PARD3: variants seen among roughly 807,000 people sequenced by gnomAD.
PARD3 encodes the protein par-3 family cell polarity regulator.
PARD3 carries 75 observed loss-of-function variants against 155.4 expected under a neutral mutation model. The ratio of observed to expected loss-of-function variants is 0.48; its 90% CI spans 0.40 to 0.58. PARD3 has a LOEUF of 0.58. Among genes scored for constraint, PARD3 ranks in the 20% least tolerant of loss-of-function variants. The pLI is 0.00. For missense variants in PARD3, 1,642 were observed against 1,721.7 expected, an observed-to-expected ratio of 0.95 and a Z score of 0.82; for synonymous variants, 576 against 610.5, an observed-to-expected ratio of 0.94 and a Z score of 0.83.
intron 1 of PARD3, among the ~76,000 whole-genome samples, chr10:34,780,876 C>T (rs1328521288): frequency 6.6e-6 from 1 of 152,178 alleles, no homozygotes; most frequent in South Asian, 2.1e-4. Flanking sequence ...ACATTCACCA[C>T]GCCACACATA....
chr10:34,166,534 A>G (rs1619530), intron 22 of PARD3, among the ~76,000 whole-genome samples: 94,803 of 151,632 alleles, frequency 0.63, 30,922 homozygotes, highest in African/African-American at 0.82. Flanking sequence ...GGGGGCAGGC[A>G]GGCGGAATTG....
intron 22 of PARD3, among the ~76,000 whole-genome samples, chr10:34,185,079 C>T (rs1032794117): frequency 6.6e-6 from 1 of 152,308 alleles, no homozygotes; most frequent in African/African-American, 2.4e-5. Flanking sequence ...GCCCCATCCC[C>T]TGGAATAAAG....
At chr10:34,155,452 T>G (rs1948961455) in intron 22 of PARD3, among the ~76,000 whole-genome samples, 1 of 152,160 alleles carries the variant, frequency 6.6e-6, no homozygotes, top group African/African-American at 2.4e-5. Context: ...TGGGGCTTAG[T>G]TAGCATATTG....
intron 1 of PARD3, among the ~76,000 whole-genome samples, chr10:34,730,421 C>G (rs769148380): frequency 4.4e-4 from 67 of 152,262 alleles, no homozygotes; most frequent in Middle Eastern, 3.4e-3. Context: ...TGCAGGACTA[C>G]TTTTTAACAA....
intron 1 of PARD3, among the ~76,000 whole-genome samples, chr10:34,735,213 C>T (rs1341237856): frequency 1.3e-5 from 2 of 152,042 alleles, no homozygotes; most frequent in African/African-American, 4.8e-5. Context: ...GGCAATTTGT[C>T]AATAATAAGA....
intron 1 of PARD3, among the ~76,000 whole-genome samples, chr10:34,750,982 C>T (rs534819712): frequency 6.6e-6 from 1 of 152,216 alleles, no homozygotes; most frequent in South Asian, 2.1e-4. Flanking sequence ...AGCCACCGCG[C>T]CCAGATGACC....
At chr10:34,546,157 A>G (rs549340047) in intron 2 of PARD3, among the ~76,000 whole-genome samples, 66 of 152,336 alleles carry the variant, frequency 4.3e-4, no homozygotes, top group Non-Finnish European at 2.4e-4. Flanking sequence ...AATATTTTTT[A>G]AATGATGAAA....
chr10:34,567,315 C>T (rs1016618009), intron 2 of PARD3, among the ~76,000 whole-genome samples: 5 of 152,082 alleles, frequency 3.3e-5, no homozygotes, highest in African/African-American at 1.2e-4. Context: ...TTTTTAAAAA[C>T]AATGTCAAAA....
At chr10:34,712,349 C>T (rs755626471) in intron 1 of PARD3, among the ~76,000 whole-genome samples, 2 of 152,352 alleles carry the variant, frequency 1.3e-5, no homozygotes, top group Non-Finnish European at 2.9e-5. Context: ...TATCTGCAAG[C>T]TTCACAACCA....
chr10:34,354,708 G>T (rs1838590483), intron 14 of PARD3, among the ~76,000 whole-genome samples: 1 of 152,156 alleles, frequency 6.6e-6, no homozygotes, highest in South Asian at 2.1e-4. Flanking sequence ...AGCATCCCAT[G>T]TCTGAGAAAT....
In PARD3 at chr10:34,751,439, T is replaced by C. The variant is rs192678528; in HGVS notation, c.121-55020A>G. Among the ~76,000 whole-genome samples the C allele has an allele frequency of 1.8e-3, 273 of 152,318 alleles. 1 individual carries two copies. Among genetic ancestry groups the C allele is most frequent in the Admixed American group, 0.014 (209 of 15,300 alleles). On this transcript the variant is annotated intron_variant, in intron 1 of 24. Coordinates refer to ENST00000374788, the MANE Select transcript of PARD3 (RefSeq NM_001184785.2). Reference sequence around the variant, plus strand: ...GCCTCTAAGATTTCCCGTTTATCTATTGCAGGAGCTGGCACTGCCCAGAGG... The same window carrying C: ...GCCTCTAAGATTTCCCGTTTATCTACTGCAGGAGCTGGCACTGCCCAGAGG...
chr10:34,750,070 C>CAA (rs59424823), intron 1 of PARD3, among the ~76,000 whole-genome samples: 5 of 135,016 alleles, frequency 3.7e-5, no homozygotes, highest in African/African-American at 1.4e-4. Flanking sequence ...CACACACACA[C>CAA]AAAACCCGCA....
At chr10:34,221,092 C>T (rs576487752) in intron 22 of PARD3, among the ~76,000 whole-genome samples, 2 of 152,194 alleles carry the variant, frequency 1.3e-5, no homozygotes, top group African/African-American at 4.8e-5. Context: ...GGGTGTGCAA[C>T]CCTGACAGGC....
At chr10:34,259,928 C>T (rs1216153908) in intron 22 of PARD3, among the ~76,000 whole-genome samples, 1 of 152,142 alleles carries the variant, frequency 6.6e-6, no homozygotes, top group East Asian at 1.9e-4. Flanking sequence ...ACTGAAGCTT[C>T]GAACTCCTGG....
intron 1 of PARD3, among the ~76,000 whole-genome samples, chr10:34,780,014 G>A (rs1276367128): frequency 2.6e-5 from 4 of 152,180 alleles, no homozygotes; most frequent in Non-Finnish European, 4.4e-5. Flanking sequence ...GACTCTCTAC[G>A]ATTCCCCATC....
intron 22 of PARD3, among the ~76,000 whole-genome samples, chr10:34,172,317 C>T (rs588838): frequency 0.23 from 35,553 of 151,892 alleles, 4,299 homozygotes; most frequent in Middle Eastern, 0.36. Context: ...CGGTCAGAAT[C>T]ACTCATCCAT....
intron 5 of PARD3, among the ~76,000 whole-genome samples, chr10:34,426,267 A>G (rs1380317068): frequency 1.3e-5 from 2 of 152,188 alleles, no homozygotes; most frequent in African/African-American, 4.8e-5. Flanking sequence ...GATCATGAAC[A>G]CTGATATTTA....
chr10:34,312,408 C>T (rs1589141856), intron 20 of PARD3: 2 of 1,610,746 alleles, frequency 1.2e-6, no homozygotes, highest in Non-Finnish European at 1.7e-6. Context: ...GGTACAGACA[C>T]ACAGTTAGTA....
intron 2 of PARD3, among the ~76,000 whole-genome samples, chr10:34,581,871 T>C (rs574927716): frequency 4.9e-4 from 75 of 152,184 alleles, no homozygotes; most frequent in Non-Finnish European, 9.7e-4. Context: ...CCCTCTTGTG[T>C]CTAAAAACTA....
Sources: allele counts gnomAD v4.1 joint callset (sites outside exome capture counted in the v4.1 genomes callset), GRCh38; gene constraint gnomAD v4.1.1; transcripts MANE v1.5; gene names NCBI Gene and HGNC (gene_info 2026-07-23, HGNC 2026-07-21).